Variants in NAV2 observed in about 807,000 individuals in gnomAD.
The protein encoded by NAV2 is neuron navigator 2, also known as helicase, APC down-regulated 1.
Under a neutral mutation model 223.2 loss-of-function variants are expected in NAV2, and 54 were observed. The ratio of observed to expected loss-of-function variants is 0.24; its 90% CI spans 0.19 to 0.30. NAV2 has a LOEUF of 0.30. Among genes scored for constraint, NAV2 ranks in the 10% least tolerant of loss-of-function variants. The probability of loss-of-function intolerance (pLI) is 1.00; values close to 1 mark genes in which losing one functional copy is unlikely to be tolerated. For missense variants in NAV2, 2,806 were observed against 3,147.5 expected, an observed-to-expected ratio of 0.89 and a Z score of 2.60; for synonymous variants, 1,279 against 1,239.3, an observed-to-expected ratio of 1.03 and a Z score of -0.67.
chr11:19,877,040 G>T (rs1331019569), intron 4 of NAV2, among the ~76,000 whole-genome samples: 1 of 151,554 alleles, frequency 6.6e-6, no homozygotes, highest in Non-Finnish European at 1.5e-5. Flanking sequence ...AATAAAACAT[G>T]ATGGCTATAC....
intron 11 of NAV2, among the ~76,000 whole-genome samples, chr11:20,015,248 G>A (rs1005541296): frequency 4.6e-5 from 7 of 152,080 alleles, no homozygotes; most frequent in Non-Finnish European, 8.8e-5. Flanking sequence ...AATACGTGTC[G>A]AGCATTGCCA....
intron 1 of NAV2, among the ~76,000 whole-genome samples, chr11:19,572,289 G>T (rs1001196545): frequency 6.6e-6 from 1 of 152,202 alleles, no homozygotes; most frequent in Non-Finnish European, 1.5e-5. Context: ...ACTGGAAGAG[G>T]CCTTAAAGCC....
chr11:20,109,947 G>A (rs959172364), intron 36 of NAV2, among the ~76,000 whole-genome samples: 1 of 152,238 alleles, frequency 6.6e-6, no homozygotes, highest in Non-Finnish European at 1.5e-5. Flanking sequence ...CGGTGCCAAG[G>A]CCCTGCTCCT....
intron 1 of NAV2, among the ~76,000 whole-genome samples, chr11:19,381,035 C>G (rs1305460859): frequency 1.3e-5 from 2 of 152,190 alleles, no homozygotes; most frequent in Non-Finnish European, 2.9e-5. Context: ...TGTTTCTTGC[C>G]TCTTTGCCTA....
intron 1 of NAV2, among the ~76,000 whole-genome samples, chr11:19,755,158 C>T (rs1038873615): frequency 6.6e-6 from 1 of 152,164 alleles, no homozygotes; most frequent in South Asian, 2.1e-4. Context: ...ATTCTGATGG[C>T]GAATGTAGTC....
chr11:19,783,710 A>G (rs1434312728), intron 1 of NAV2, among the ~76,000 whole-genome samples: 1 of 152,168 alleles, frequency 6.6e-6, no homozygotes, highest in Non-Finnish European at 1.5e-5. Flanking sequence ...TATTTCTCTG[A>G]GCCCCAGTTT....
At chr11:19,448,585 C>T (rs546645642) in intron 1 of NAV2, among the ~76,000 whole-genome samples, 10 of 152,176 alleles carry the variant, frequency 6.6e-5, no homozygotes, top group Non-Finnish European at 5.9e-5. Flanking sequence ...GCTATTTAGT[C>T]GGACATTTTG....
chr11:19,619,387 G>T lies in NAV2; in HGVS notation c.76-213097G>T, dbSNP rs1466650918. ...TTACAGTCCCACCAACAGTGTAAAA[G>T]TGTTCCTATTTCTCCACATCCTCTC... On this transcript the variant is annotated intron_variant, in intron 1 of 37. Coordinates refer to the NAV2 transcript ENST00000360655. Among the ~76,000 whole-genome samples the T allele has an allele frequency of 4.6e-5, 7 of 152,212 alleles. No individual in the cohort carries two copies. In the East Asian group the frequency reaches 1.2e-3, roughly 25 times the overall value.
At chr11:19,543,985 C>T (rs530988400) in intron 1 of NAV2, among the ~76,000 whole-genome samples, 42 of 152,308 alleles carry the variant, frequency 2.8e-4, no homozygotes, top group Non-Finnish European at 5.9e-4. Flanking sequence ...TTTTGCTCTT[C>T]CTGGCCAAAG....
chr11:19,498,213 GC>G (rs139470003), intron 1 of NAV2, among the ~76,000 whole-genome samples: 2,807 of 152,236 alleles, frequency 0.018, 73 homozygotes, highest in African/African-American at 0.065. Flanking sequence ...ACAGATCTAG[GC>G]AGCACCCCCT....
intron 25 of NAV2, 116 bp from the exon 26 acceptor site, chr11:20,082,891 T>C: frequency 9.8e-7 from 1 of 1,016,712 alleles, no homozygotes; most frequent in Non-Finnish European, 1.4e-6. Flanking sequence ...ACCTCTTCCA[T>C]TGGTGGGGGG....
chr11:19,719,544 T>C (rs1196245678), intron 1 of NAV2, among the ~76,000 whole-genome samples: 1 of 152,166 alleles, frequency 6.6e-6, no homozygotes, highest in Non-Finnish European at 1.5e-5. Context: ...CTGAACACAG[T>C]GTATGGCACA....
chr11:19,502,549 G>T (rs1234739881), intron 1 of NAV2: 2 of 152,150 alleles, frequency 1.3e-5, no homozygotes, highest in African/African-American at 4.8e-5. Context: ...AGCCTCACTT[G>T]TTGCCCAGCT....
chr11:19,671,402 G>A (rs922329149), intron 1 of NAV2, among the ~76,000 whole-genome samples: 7 of 152,142 alleles, frequency 4.6e-5, no homozygotes, highest in African/African-American at 1.2e-4. Flanking sequence ...TGTTGATGGT[G>A]ACTCTGAAAA....
intron 1 of NAV2, among the ~76,000 whole-genome samples, chr11:19,462,138 C>T (rs1255977203): frequency 6.6e-6 from 1 of 152,182 alleles, no homozygotes; most frequent in East Asian, 1.9e-4. Flanking sequence ...ATGAGTTGTG[C>T]TGAAAGGTTT....
chr11:19,738,677 CT>C (rs900305758), intron 1 of NAV2, among the ~76,000 whole-genome samples: 14 of 152,174 alleles, frequency 9.2e-5, no homozygotes, highest in African/African-American at 3.1e-4. Context: ...AGCTCAGTCT[CT>C]GTCCTGTAAA....
chr11:19,963,207 G>C (rs2048480452), intron 10 of NAV2, among the ~76,000 whole-genome samples: 1 of 152,130 alleles, frequency 6.6e-6, no homozygotes, highest in Non-Finnish European at 1.5e-5. Context: ...CTCTTTACAT[G>C]CTTTTTCTCA....
chr11:19,872,387 G>A (rs999394041), intron 4 of NAV2, among the ~76,000 whole-genome samples: 1 of 152,172 alleles, frequency 6.6e-6, no homozygotes, highest in Non-Finnish European at 1.5e-5. Flanking sequence ...TAAAAAGGAG[G>A]CCCACAAGAT....
At chr11:19,516,148 A>G (rs1049781120) in intron 1 of NAV2, among the ~76,000 whole-genome samples, 4 of 152,174 alleles carry the variant, frequency 2.6e-5, no homozygotes, top group African/African-American at 9.7e-5. Flanking sequence ...GGACTTAAAG[A>G]CTTGAGATCA....
Sources: allele counts gnomAD v4.1 joint callset (sites outside exome capture counted in the v4.1 genomes callset), GRCh38; gene constraint gnomAD v4.1.1; transcripts MANE v1.5; gene names NCBI Gene and HGNC (gene_info 2026-07-23, HGNC 2026-07-21).